The following PRICKLE1 variants were observed in gnomAD, a reference collection of about 807,000 sequenced individuals.
The protein encoded by PRICKLE1 is prickle-like protein 1.
PRICKLE1 carries 14 observed loss-of-function variants against 70.2 expected under a neutral mutation model. That is an observed-to-expected ratio of 0.20 (90% CI 0.13 to 0.31). The LOEUF (loss-of-function observed/expected upper bound fraction) is 0.31, where lower values mean the gene tolerates loss of function less well. Among genes scored for constraint, PRICKLE1 ranks in the 10% least tolerant of loss-of-function variants. PRICKLE1 has a pLI of 1.00. For missense variants in PRICKLE1, 821 were observed against 1,026.2 expected (o/e 0.80, Z 2.73); for synonymous variants, 357 against 379.9 (o/e 0.94, Z 0.70).
rs151023757 is a variant in PRICKLE1, at chr12:42,462,159, T to C, written c.1640-1494A>G. ...TTCAGCTTATTATTGTCAAGGAATGTCAGCCCCTAACACTTAAATGTGTAC... is the reference window on the plus strand; with the variant it reads ...TTCAGCTTATTATTGTCAAGGAATGCCAGCCCCTAACACTTAAATGTGTAC... On this transcript the variant is annotated intron_variant, in intron 7 of 7. Coordinates refer to ENST00000345127, the MANE Select transcript of PRICKLE1 (RefSeq NM_153026.3). 1.1e-3 allele frequency among the ~76,000 whole-genome samples: 162 copies of C among 152,258 alleles called. 3 individuals carry two copies. The East Asian group carries it at 0.027, about 25-fold the overall frequency.
intron 1 of PRICKLE1, among the ~76,000 whole-genome samples, chr12:42,586,664 C>T (rs921141713): frequency 1.3e-5 from 2 of 152,092 alleles, no homozygotes; most frequent in African/African-American, 4.8e-5. Context: ...AGGTATAGGC[C>T]ATTAAGAGAG....
At chr12:42,519,193 C>CTTTA (rs1939663834) in intron 1 of PRICKLE1, among the ~76,000 whole-genome samples, 1 of 99,190 alleles carries the variant, frequency 1.0e-5, no homozygotes, top group African/African-American at 3.8e-5. Flanking sequence ...CCTTTTTTTC[C>CTTTA]TTTTTTTTTT....
rs1277633359 is a variant in PRICKLE1 at position 42,468,614 on chromosome 12, A to G, written c.588+12T>C. The G allele has an allele frequency of 1.2e-6, 2 of 1,612,248 alleles. No homozygotes were observed. The highest frequency in any genetic ancestry group is 1.7e-6 in the Non-Finnish European group (2 of 1,178,632). ...TATTTTTCCCAGTGTGAAAGGATGA[A>G]CTTTTTTTTACCTCGTCACATGCTG... On this transcript the variant is annotated intron_variant, in intron 5 of 7. Transcript: ENST00000345127.
At chr12:42,460,958 C>T (rs1937808979) in intron 7 of PRICKLE1, among the ~76,000 whole-genome samples, 1 of 152,108 alleles carries the variant, frequency 6.6e-6, no homozygotes, top group South Asian at 2.1e-4. Context: ...CTCGGCACAC[C>T]ACAATCTCCA....
chr12:42,460,103 G>A lies in PRICKLE1; in HGVS notation c.2202C>T (p.Tyr734=), dbSNP rs570186739. 62 of 1,614,122 alleles carry A rather than the reference G, an allele frequency of 3.8e-5. No individual in the cohort carries two copies. The East Asian group carries it at 7.1e-4, about 19-fold the overall frequency. The change falls in exon 8 of 8, where the codon TAC becomes TAT. Residue 734 remains tyrosine, a synonymous_variant. Transcript: ENST00000345127. The part of the protein sequence containing the change: ...YIQNADLYGQ[Y]AHATSDYGLQ... ...GGCCATAATCGGAAGTGGCATGGGC[G>A]TACTGTCCGTAGAGATCAGCATTCT... is the stretch of plus-strand genomic sequence containing the variant.
intron 1 of PRICKLE1, among the ~76,000 whole-genome samples, chr12:42,476,507 G>A (rs1938541842): frequency 6.6e-6 from 1 of 151,604 alleles, no homozygotes; most frequent in African/African-American, 2.4e-5. Flanking sequence ...GTAGAGACGG[G>A]GTTTCTCCAT....
chr12:42,523,529 C>A (rs556229339), intron 1 of PRICKLE1, among the ~76,000 whole-genome samples: 3 of 152,238 alleles, frequency 2.0e-5, no homozygotes, highest in South Asian at 4.1e-4. Flanking sequence ...AGTCTTCAAA[C>A]GACCAAGAAA....
rs955304192 is a variant in PRICKLE1, at chr12:42,578,501, AT to A, written c.-49+10963del. On this transcript the variant is annotated intron_variant, in intron 1 of 7. Coordinates refer to ENST00000345127, the MANE Select transcript of PRICKLE1 (RefSeq NM_153026.3). Reference sequence around the variant, plus strand: ...TAGCATCCCTTTGCTAGATGATTACATTTCCTTGATCACTTGGGAGTGTGGA... The same window carrying A: ...TAGCATCCCTTTGCTAGATGATTACATTCCTTGATCACTTGGGAGTGTGGA... Among the ~76,000 whole-genome samples the A allele has an allele frequency of 3.3e-5, 5 of 152,198 alleles. No homozygotes were observed. The East Asian group carries it at 9.7e-4, about 29-fold the overall frequency.
intron 7 of PRICKLE1, among the ~76,000 whole-genome samples, chr12:42,462,879 G>A (rs1937913240): frequency 6.6e-6 from 1 of 152,172 alleles, no homozygotes; most frequent in Non-Finnish European, 1.5e-5. Context: ...GCCTAATCTT[G>A]CCTTTAGAAC....
At chr12:42,503,087 A>G (rs1796347) in intron 1 of PRICKLE1, among the ~76,000 whole-genome samples, 26,405 of 152,180 alleles carry the variant, frequency 0.17, 3,039 homozygotes, top group African/African-American at 0.31. Context: ...TACTAAATCA[A>G]TTTGGACTTG....
intron 1 of PRICKLE1, among the ~76,000 whole-genome samples, chr12:42,477,312 C>A (rs187679938): frequency 6.6e-6 from 1 of 151,134 alleles, no homozygotes; most frequent in Non-Finnish European, 1.5e-5. Context: ...GCAGAGGTTG[C>A]GGTGAGCCGA....
chr12:42,527,753 G>T (rs1939830397), intron 1 of PRICKLE1, among the ~76,000 whole-genome samples: 1 of 151,800 alleles, frequency 6.6e-6, no homozygotes, highest in Admixed American at 6.6e-5. Flanking sequence ...TTATAAAATG[G>T]AGAGTAAAAT....
intron 1 of PRICKLE1, among the ~76,000 whole-genome samples, chr12:42,514,580 T>A (rs1939571122): frequency 6.6e-6 from 1 of 152,194 alleles, no homozygotes; most frequent in African/African-American, 2.4e-5. Flanking sequence ...TGAACACTTA[T>A]CCATTATATG....
At chr12:42,504,145 C>T (rs1593143145) in intron 1 of PRICKLE1, among the ~76,000 whole-genome samples, 1 of 152,150 alleles carries the variant, frequency 6.6e-6, no homozygotes, top group East Asian at 1.9e-4. Context: ...AATTCTGTAT[C>T]ATAAAACGTG....
chr12:42,546,807 A>G (rs1477098689), intron 1 of PRICKLE1, among the ~76,000 whole-genome samples: 2 of 152,186 alleles, frequency 1.3e-5, no homozygotes, highest in Non-Finnish European at 2.9e-5. Flanking sequence ...ATAATTTCTT[A>G]AGCTGGCTAT....
chr12:42,535,473 A>C (rs1267696174), intron 1 of PRICKLE1, among the ~76,000 whole-genome samples: 2 of 152,238 alleles, frequency 1.3e-5, no homozygotes, highest in East Asian at 3.8e-4. Flanking sequence ...GAGGGTCAAC[A>C]AAGGCCAGTG....
chr12:42,509,704 C>T lies in PRICKLE1; in HGVS notation c.-48-37140G>A, dbSNP rs141811170. Among the ~76,000 whole-genome samples the T allele has an allele frequency of 6.4e-4, 97 of 152,236 alleles. 1 individual carries two copies. In the East Asian group the frequency reaches 0.017, roughly 26 times the overall value. On this transcript the variant is annotated intron_variant, in intron 1 of 7. Coordinates refer to ENST00000345127, the MANE Select transcript of PRICKLE1 (RefSeq NM_153026.3). ...TAATAATAATAATATAAGACTACCA[C>T]TTACTATATTTTTCTACTTACTGCT...
chr12:42,497,546 CAAA>C (rs35111508), intron 1 of PRICKLE1, among the ~76,000 whole-genome samples: 1 of 98,768 alleles, frequency 1.0e-5, no homozygotes, highest in East Asian at 2.8e-4. Context: ...GACTCCATCT[CAAA>C]AAAAAAAAAA....
At chr12:42,576,031 T>C (rs1407372197) in intron 1 of PRICKLE1, among the ~76,000 whole-genome samples, 1 of 152,200 alleles carries the variant, frequency 6.6e-6, no homozygotes. Context: ...CACTGCACTC[T>C]TGAAAAACTG....
Sources: gnomAD v4.1 joint callset for allele counts (sites outside exome capture counted in the v4.1 genomes callset) on GRCh38, gnomAD v4.1.1 for gene constraint, MANE v1.5 for transcripts, NCBI Gene and HGNC (gene_info 2026-07-23, HGNC 2026-07-21) for gene names.